Variants in NBPF12 observed in about 807,000 individuals in gnomAD.
NBPF12 encodes NBPF family member NBPF12.
Under a neutral mutation model 146.4 loss-of-function variants are expected in NBPF12, and 115 were observed. The ratio of observed to expected loss-of-function variants is 0.79; its 90% CI spans 0.68 to 0.92. The LOEUF (loss-of-function observed/expected upper bound fraction) is 0.92. Among genes scored for constraint, NBPF12 ranks in the 40% least tolerant of loss-of-function variants. The probability of loss-of-function intolerance (pLI) is 0.00; values close to 1 mark genes in which losing one functional copy is unlikely to be tolerated. For synonymous variants in NBPF12, 385 were observed against 508.9 expected, an observed-to-expected ratio of 0.76 and a Z score of 3.28; for missense variants, 1,205 against 1,326.8, an observed-to-expected ratio of 0.91 and a Z score of 1.43.
chr1:146,962,992 G>A, intron 5 of NBPF12, 103 bp from the exon 9 acceptor site: 1 of 946,294 alleles, frequency 1.1e-6, no homozygotes, highest in African/African-American at 1.6e-5. Flanking sequence ...CCTTCTGCTT[G>A]AAGGTCTCCT....
At chr1:146,963,228 A>C in exon 6 of NBPF12, 2 of 1,611,616 alleles carry the variant, frequency 1.2e-6, no homozygotes, top group Non-Finnish European at 1.7e-6. Flanking sequence ...TGAGCCGGAC[A>C]AGTCCCAGGG....
chr1:146,964,337 T>G lies in NBPF12; in HGVS notation c.494-20T>G, dbSNP rs1553885230. On this transcript the variant is annotated intron_variant, in intron 6 of 33. Coordinates refer to ENST00000617844, the Ensembl canonical transcript of NBPF12. ...GAATGTGAAGTGGGACATATCTGAATGAACATTTTGTATTTATAGAAAATG... is the reference window on the plus strand; with the variant it reads ...GAATGTGAAGTGGGACATATCTGAAGGAACATTTTGTATTTATAGAAAATG... 2.0e-5 allele frequency: 32 copies of G among 1,602,014 alleles called. No homozygotes were observed. The highest frequency in any genetic ancestry group is 1.6e-4 in the African/African-American group (12 of 74,236).
chr1:146,972,726 A>C (rs1553886759), intron 13 of NBPF12, 25 bp from the exon 17 acceptor site: 3 of 1,370,020 alleles, frequency 2.2e-6, no homozygotes, highest in African/African-American at 2.9e-5. Context: ...TTAACCCATC[A>C]TGTGTTTGCC....
chr1:146,938,625 C>T (rs1238669991), upstream of NBPF12: 3 of 148,500 alleles, frequency 2.0e-5, no homozygotes, highest in Non-Finnish European at 3.0e-5. Context: ...AGCTGCGCTC[C>T]GTCCTCCATT....
At chr1:146,978,053 G>A (rs1413845271) in intron 18 of NBPF12, among the ~76,000 whole-genome samples, 1 of 151,606 alleles carries the variant, frequency 6.6e-6, no homozygotes, top group African/African-American at 2.4e-5. Flanking sequence ...TTTGTATTTG[G>A]AAACATTGTT....
At chr1:146,955,249 G>T (rs1378514927) in intron 2 of NBPF12, among the ~76,000 whole-genome samples, 8,997 of 38,788 alleles carry the variant, frequency 0.23, 1,100 homozygotes, top group South Asian at 0.47. Context: ...AGCACATGTT[G>T]GTGAGGATAT....
At chr1:146,975,425 C>G (rs1314236741) in intron 15 of NBPF12, among the ~76,000 whole-genome samples, 6 of 150,054 alleles carry the variant, frequency 4.0e-5, no homozygotes, top group Non-Finnish European at 7.4e-5. Context: ...AGGAAGACAC[C>G]TACTTTTGTT....
chr1:146,972,801 G>A lies in NBPF12; in HGVS notation c.1642G>A (p.Gly548Ser), dbSNP rs1553886779. 7.7e-5 allele frequency: 103 copies of A among 1,330,616 alleles called. 2 individuals are homozygous for A. Among genetic ancestry groups the A allele is most frequent in the African/African-American group, 7.4e-4 (51 of 68,518 alleles). 82.4% of individuals were successfully genotyped at this position (1,330,616 alleles called of 1,614,324 possible). ...AAACGTCAGCATGGTGGTATCAGCC[G>A]GCCCTTTGTCCAGCGAGAAGGCAGA... is the stretch of plus-strand genomic sequence containing the variant. Residue 548 changes from glycine (G) to serine (S), a missense_variant, in exon 14 of 34, where the codon GGC becomes AGC. This residue lies in a region of NBPF12 where 278 missense variants were observed against 203.1 expected (regional missense o/e 1.37). Coordinates refer to ENST00000617844, the Ensembl canonical transcript of NBPF12.
At chr1:146,983,409 T>G in intron 20 of NBPF12, 1 of 550,544 alleles carries the variant, frequency 1.8e-6, no homozygotes, top group East Asian at 3.6e-5. Context: ...GTCTGTCAGA[T>G]CAGCTCATCT....
At chr1:146,973,016 C>G in intron 14 of NBPF12, 56 bp downstream of exon 17, 1 of 821,776 alleles carries the variant, frequency 1.2e-6, no homozygotes. Context: ...TGTCTTCTCT[C>G]TGAGAAACTA....
At chr1:146,965,655 G>T (rs1244199625) in intron 8 of NBPF12, among the ~76,000 whole-genome samples, 1 of 149,746 alleles carries the variant, frequency 6.7e-6, no homozygotes, top group Non-Finnish European at 1.5e-5. Context: ...AGCTGGGCGC[G>T]GTGGTGGGCA....
chr1:146,949,760 A>G (rs1484625701), intron 1 of NBPF12, among the ~76,000 whole-genome samples: 6,406 of 151,200 alleles, frequency 0.042, 503 homozygotes, highest in African/African-American at 0.15. Context: ...TGGGGGACTG[A>G]GGGCCCTTTT....
At chr1:146,946,212 C>T (rs1164547013), upstream of NBPF12, among the ~76,000 whole-genome samples, 134 of 151,382 alleles carry the variant, frequency 8.9e-4, 2 homozygotes, top group Middle Eastern at 6.8e-3. Context: ...TGGGTACTTC[C>T]AAGTTTTGAC....
At chr1:146,978,757 G>A (rs1375695881) in intron 18 of NBPF12, among the ~76,000 whole-genome samples, 1 of 135,084 alleles carries the variant, frequency 7.4e-6, no homozygotes, top group Non-Finnish European at 1.6e-5. Context: ...CACGTAGAGG[G>A]AGATTTTGGC....
chr1:146,965,275 G>C (rs1291746327), intron 8 of NBPF12, among the ~76,000 whole-genome samples, 171 bp downstream of exon 11: 8 of 151,210 alleles, frequency 5.3e-5, no homozygotes, highest in African/African-American at 2.0e-4. Flanking sequence ...CCAAGTGGGA[G>C]GATGACTTGA....
intron 33 of NBPF12, 46 bp from the exon 37 acceptor site, chr1:146,994,286 G>T (rs587740441): frequency 5.6e-6 from 9 of 1,611,144 alleles, no homozygotes; most frequent in Admixed American, 1.7e-5. Context: ...GCTCTGTGGT[G>T]TCTGACTTTC....
intron 15 of NBPF12, among the ~76,000 whole-genome samples, 159 bp from the exon 19 acceptor site, chr1:146,975,518 T>A (rs1159803196): frequency 6.8e-6 from 1 of 146,474 alleles, no homozygotes; most frequent in African/African-American, 2.6e-5. Context: ...TAAACCATTT[T>A]CTATTCTTTC....
intron 16 of NBPF12, 110 bp downstream of exon 19, chr1:146,976,001 C>G (rs1389545855): frequency 8.9e-7 from 1 of 1,125,264 alleles, no homozygotes; most frequent in Non-Finnish European, 1.3e-6. Flanking sequence ...TTCCACTAAG[C>G]TTATGTGGCC....
At position 146,962,055 on chromosome 1, in the gene NBPF12, G is replaced by T. The variant is rs1359303946; in HGVS notation, c.176-106G>T. 7.0e-4 allele frequency: 655 copies of T among 930,294 alleles called. 3 individuals are homozygous for T. The highest frequency in any genetic ancestry group is 5.1e-3 in the East Asian group (214 of 41,864). 57.6% of individuals were successfully genotyped at this position (930,294 alleles called of 1,614,324 possible). Reference sequence around the variant, plus strand: ...AATCCCTGTCTAGACCCTGGTACTGGGGAGAGTTTTGTCCTTGGGATGGAC... The same window carrying T: ...AATCCCTGTCTAGACCCTGGTACTGTGGAGAGTTTTGTCCTTGGGATGGAC... On this transcript the variant is annotated intron_variant, in intron 4 of 33. Coordinates refer to ENST00000617844, the Ensembl canonical transcript of NBPF12.
Sources: allele counts gnomAD v4.1 joint callset (sites outside exome capture counted in the v4.1 genomes callset), GRCh38; gene constraint gnomAD v4.1.1; regional missense constraint gnomAD v4.1.1; transcripts MANE v1.5; gene names NCBI Gene and HGNC (gene_info 2026-07-23, HGNC 2026-07-21).